CREB5: variants seen among roughly 807,000 people sequenced by gnomAD.
CREB5 encodes the protein cyclic AMP-responsive element-binding protein 5.
A neutral mutation model predicts 57.1 loss-of-function variants in CREB5; 19 were observed. The observed-to-expected ratio is 0.33, with a 90% CI of 0.23 to 0.49. CREB5 has a LOEUF of 0.49. Among genes scored for constraint, CREB5 ranks in the 20% least tolerant of loss-of-function variants. The pLI, the probability that CREB5 is intolerant of heterozygous loss-of-function variation, is 0.99. For synonymous variants in CREB5, 238 were observed against 238.3 expected, an observed-to-expected ratio of 1.00 and a Z score of 0.01; for missense variants, 579 against 671.6, an observed-to-expected ratio of 0.86 and a Z score of 1.52.
At chr7:28,528,707 A>C (rs177593) in intron 4 of CREB5, among the ~76,000 whole-genome samples, 1 of 102,222 alleles carries the variant, frequency 9.8e-6, no homozygotes, top group African/African-American at 4.7e-5. Context: ...TCCATCTCAA[A>C]AAAAAAAAAA....
At chr7:28,485,537 C>T (rs1791512215) in intron 1 of CREB5, among the ~76,000 whole-genome samples, 1 of 152,056 alleles carries the variant, frequency 6.6e-6, no homozygotes, top group Non-Finnish European at 1.5e-5. Flanking sequence ...CACAAATATA[C>T]AGACATCTCT....
At chr7:28,658,965 A>ATATATATATATGTG (rs1799467970) in intron 5 of CREB5, among the ~76,000 whole-genome samples, 6 of 135,640 alleles carry the variant, frequency 4.4e-5, no homozygotes, top group African/African-American at 1.0e-4. Context: ...ATATATATAT[A>ATATATATATATGTG]TATATATATA....
intron 1 of CREB5, among the ~76,000 whole-genome samples, chr7:28,401,406 AT>A (rs917558623): frequency 2.0e-5 from 3 of 151,598 alleles, no homozygotes; most frequent in Admixed American, 6.6e-5. Context: ...TAATTAATTA[AT>A]TTTTTTAATT....
At chr7:28,707,905 C>T (rs1029211982) in intron 5 of CREB5, among the ~76,000 whole-genome samples, 3 of 152,214 alleles carry the variant, frequency 2.0e-5, no homozygotes, top group Non-Finnish European at 4.4e-5. Flanking sequence ...CCCCCATGGG[C>T]TAAAGAAGTC....
At chr7:28,646,495 T>C (rs1798893888) in intron 5 of CREB5, among the ~76,000 whole-genome samples, 1 of 152,212 alleles carries the variant, frequency 6.6e-6, no homozygotes, top group South Asian at 2.1e-4. Flanking sequence ...CCATTCCTAC[T>C]TGCACCATCT....
At chr7:28,642,987 T>A (rs57470237) in intron 5 of CREB5, among the ~76,000 whole-genome samples, 1 of 98,332 alleles carries the variant, frequency 1.0e-5, no homozygotes, top group Non-Finnish European at 2.1e-5. Context: ...CACACACACA[T>A]ACACACACAC....
chr7:28,766,630 C>T (rs896026092), intron 7 of CREB5, among the ~76,000 whole-genome samples: 1 of 152,176 alleles, frequency 6.6e-6, no homozygotes, highest in African/African-American at 2.4e-5. Context: ...CATTGGAGCA[C>T]CCACGGGCTG....
intron 1 of CREB5, among the ~76,000 whole-genome samples, chr7:28,416,855 T>C (rs1256939040): frequency 2.0e-5 from 3 of 152,228 alleles, no homozygotes; most frequent in Non-Finnish European, 2.9e-5. Context: ...CCTTGATGAA[T>C]AATCCTGCAG....
chr7:28,694,168 C>T (rs946279166), intron 5 of CREB5, among the ~76,000 whole-genome samples: 2 of 152,194 alleles, frequency 1.3e-5, no homozygotes, highest in Non-Finnish European at 2.9e-5. Flanking sequence ...TCTAACACTT[C>T]CGTCAGCTCA....
Position 28,687,232 on chromosome 7 carries a change from C to T in CREB5, c.465-31521C>T, listed in dbSNP as rs139379536. Among the ~76,000 whole-genome samples the T allele has an allele frequency of 7.7e-3, 1,167 of 151,978 alleles. 16 individuals are homozygous for T. The highest frequency in any genetic ancestry group is 0.027 in the African/African-American group (1,115 of 41,434). On this transcript the variant is annotated intron_variant, in intron 5 of 10. Coordinates refer to ENST00000357727, the MANE Select transcript of CREB5 (RefSeq NM_182898.4). ...CTGTTGTTCCACGTGCTAATTAATCCGGTGCTATCTTTAAGACTTTTATGT... is the reference window on the plus strand; with the variant it reads ...CTGTTGTTCCACGTGCTAATTAATCTGGTGCTATCTTTAAGACTTTTATGT...
At chr7:28,461,911 A>G (rs1790365725) in intron 1 of CREB5, among the ~76,000 whole-genome samples, 1 of 152,188 alleles carries the variant, frequency 6.6e-6, no homozygotes, top group African/African-American at 2.4e-5. Context: ...TTATTGAGAT[A>G]TAATTCACGT....
At chr7:28,510,339 T>A (rs1460890560) in intron 4 of CREB5, among the ~76,000 whole-genome samples, 2 of 152,250 alleles carry the variant, frequency 1.3e-5, no homozygotes, top group East Asian at 3.8e-4. Flanking sequence ...TAATTCTACA[T>A]CTCTAGTTGT....
chr7:28,367,991 A>G (rs888057284), intron 1 of CREB5, among the ~76,000 whole-genome samples: 27 of 152,144 alleles, frequency 1.8e-4, no homozygotes, highest in African/African-American at 6.3e-4. Context: ...TCATTCTGCC[A>G]TACCCCACCA....
At chr7:28,642,687 T>G (rs557827838) in intron 5 of CREB5, among the ~76,000 whole-genome samples, 2 of 152,290 alleles carry the variant, frequency 1.3e-5, no homozygotes, top group East Asian at 3.9e-4. Flanking sequence ...TCACTCCTTC[T>G]GCTGAAAATG....
At chr7:28,363,702 TGAA>T (rs1241637708) in intron 1 of CREB5, among the ~76,000 whole-genome samples, 1 of 152,140 alleles carries the variant, frequency 6.6e-6, no homozygotes. Context: ...ACTGTGCCAT[TGAA>T]GAAGAAGGAT....
At chr7:28,529,821 C>G (rs1793643873) in intron 4 of CREB5, among the ~76,000 whole-genome samples, 1 of 152,190 alleles carries the variant, frequency 6.6e-6, no homozygotes, top group Non-Finnish European at 1.5e-5. Context: ...ATGCTCAGCT[C>G]CAACACACTT....
At chr7:28,521,524 A>T (rs1348577883) in intron 4 of CREB5, among the ~76,000 whole-genome samples, 1 of 152,156 alleles carries the variant, frequency 6.6e-6, no homozygotes, top group Non-Finnish European at 1.5e-5. Context: ...TTATTTCCTG[A>T]TTATACCCCT....
At chr7:28,354,665 C>T (rs527480446) in intron 1 of CREB5, among the ~76,000 whole-genome samples, 154 of 152,322 alleles carry the variant, frequency 1.0e-3, no homozygotes, top group Middle Eastern at 3.4e-3. Context: ...CCTCCCTGTG[C>T]CAGACTCTGT....
At chr7:28,428,149 G>A (rs150473900) in intron 1 of CREB5, among the ~76,000 whole-genome samples, 1 of 152,202 alleles carries the variant, frequency 6.6e-6, no homozygotes, top group East Asian at 1.9e-4. Context: ...TCTAGGTAAG[G>A]GGCTGCTTGG....
Sources: gnomAD v4.1 joint callset for allele counts (sites outside exome capture counted in the v4.1 genomes callset) on GRCh38, gnomAD v4.1.1 for gene constraint, MANE v1.5 for transcripts, NCBI Gene and HGNC (gene_info 2026-07-23, HGNC 2026-07-21) for gene names.